The following NEMP2 variants were observed in gnomAD, a reference collection of about 807,000 sequenced individuals.
NEMP2 encodes the protein UPF0571 transmembrane protein.
In NEMP2, 53 loss-of-function variants were observed where a neutral mutation model predicts 54.2. The observed-to-expected ratio is 0.98, with a 90% CI of 0.78 to 1.23. The LOEUF (loss-of-function observed/expected upper bound fraction) is 1.23, where lower values mean the gene tolerates loss of function less well. Among genes scored for constraint, NEMP2 ranks in the 50% most tolerant of loss-of-function variants. The probability of loss-of-function intolerance (pLI) is 0.00; values close to 1 mark genes in which losing one functional copy is unlikely to be tolerated. For missense variants in NEMP2, 455 were observed against 511.3 expected (o/e 0.89, Z 1.06); for synonymous variants, 197 against 190.3 (o/e 1.04, Z -0.29).
the NEMP2 span, among the ~76,000 whole-genome samples, chr2:190,645,389 C>T: frequency 1.1e-4 from 16 of 152,086 alleles, no homozygotes; most frequent in African/African-American, 3.1e-4. Context: ...ATATGAATTA[C>T]TTTAGGAACA....
downstream of NEMP2, chr2:190,499,752 A>C (rs1559147977): frequency 7.3e-7 from 1 of 1,373,696 alleles, no homozygotes. This position sits in a 1 kb window ranked among gnomAD's most constrained non-coding sequence, Gnocchi z 6.0. Flanking sequence ...AAGTACTAAC[A>C]GACATTTTGG....
chr2:190,491,874 A>G, the NEMP2 span, among the ~76,000 whole-genome samples: 4 of 152,232 alleles, frequency 2.6e-5, no homozygotes, highest in African/African-American at 4.8e-5. The surrounding 1 kb of genome is among the most constrained non-coding windows in gnomAD (Gnocchi z 4.2). Flanking sequence ...GAGGCACTAG[A>G]GAAAGGTGAA....
At chr2:190,546,623 AATT>A in the NEMP2 span, among the ~76,000 whole-genome samples, 2 of 152,050 alleles carry the variant, frequency 1.3e-5, no homozygotes, top group African/African-American at 2.4e-5. This position sits in a 1 kb window ranked among gnomAD's most constrained non-coding sequence, Gnocchi z 5.1. Flanking sequence ...GAAAATGAAT[AATT>A]ATTATTATTT....
chr2:190,626,169 G>T, the NEMP2 span: 1 of 152,016 alleles, frequency 6.6e-6, no homozygotes, highest in Non-Finnish European at 1.5e-5. The surrounding 1 kb of genome is among the most constrained non-coding windows in gnomAD (Gnocchi z 4.5). Flanking sequence ...TTATTCATGA[G>T]GACTCTGTCG....
chr2:190,477,254 A>G, the NEMP2 span: 4 of 983,618 alleles, frequency 4.1e-6, no homozygotes, highest in Non-Finnish European at 4.8e-6. Flanking sequence ...GAATGATTCA[A>G]TAACAAGGTA....
the NEMP2 span, among the ~76,000 whole-genome samples, chr2:190,466,865 C>A: frequency 1.3e-5 from 2 of 152,144 alleles, no homozygotes; most frequent in African/African-American, 4.8e-5. Flanking sequence ...CAATCTGAGA[C>A]CTAAGGGTCC....
At chr2:190,441,606 C>T in the NEMP2 span, among the ~76,000 whole-genome samples, 80 of 152,208 alleles carry the variant, frequency 5.3e-4, no homozygotes, top group Non-Finnish European at 7.8e-4. Flanking sequence ...TACTTATGTA[C>T]ATGTGCTGGT....
the NEMP2 span, among the ~76,000 whole-genome samples, chr2:190,600,903 C>T: frequency 2.0e-5 from 3 of 152,088 alleles, no homozygotes; most frequent in Non-Finnish European, 4.4e-5. This position sits in a 1 kb window ranked among gnomAD's most constrained non-coding sequence, Gnocchi z 4.9. Context: ...TGGTGTGTTC[C>T]CCAGCCCTGG....
the NEMP2 span, among the ~76,000 whole-genome samples, chr2:190,565,156 C>G: frequency 7.1e-6 from 1 of 141,230 alleles, no homozygotes; most frequent in South Asian, 2.4e-4. Flanking sequence ...GGAGGAAATA[C>G]GAATTTTTTT....
chr2:190,545,968 C>T, the NEMP2 span, among the ~76,000 whole-genome samples: 1 of 152,202 alleles, frequency 6.6e-6, no homozygotes, highest in East Asian at 1.9e-4. Flanking sequence ...TCAAAGAAAA[C>T]GCAACCCAGT....
chr2:190,592,894 A>T, the NEMP2 span, among the ~76,000 whole-genome samples: 1 of 152,168 alleles, frequency 6.6e-6, no homozygotes, highest in Non-Finnish European at 1.5e-5. This position sits in a 1 kb window ranked among gnomAD's most constrained non-coding sequence, Gnocchi z 4.4. Flanking sequence ...AAAATGTAAA[A>T]TTTCTTAAAA....
chr2:190,464,792 C>T, the NEMP2 span: 1 of 422,288 alleles, frequency 2.4e-6, no homozygotes, highest in Non-Finnish European at 3.2e-6. Flanking sequence ...CCCTTGAAGA[C>T]CAAGTAGATT....
chr2:190,645,893 T>C, the NEMP2 span, among the ~76,000 whole-genome samples: 1 of 151,804 alleles, frequency 6.6e-6, no homozygotes, highest in Non-Finnish European at 1.5e-5. Context: ...ACATTTTCCT[T>C]TGTCTTTTAG....
chr2:190,623,441 T>C, the NEMP2 span, among the ~76,000 whole-genome samples: 1 of 151,952 alleles, frequency 6.6e-6, no homozygotes, highest in Non-Finnish European at 1.5e-5. Flanking sequence ...TAGTAGCCAA[T>C]AGAAAGGCTA....
At chr2:190,436,502 G>A in the NEMP2 span, 1 of 1,614,180 alleles carries the variant, frequency 6.2e-7, no homozygotes, top group Non-Finnish European at 8.5e-7. The surrounding 1 kb of genome is among the most constrained non-coding windows in gnomAD (Gnocchi z 5.3). Flanking sequence ...GCTACCTTGA[G>A]ATGTGTACCA....
At chr2:190,548,675 C>A in the NEMP2 span, among the ~76,000 whole-genome samples, 2 of 152,180 alleles carry the variant, frequency 1.3e-5, no homozygotes, top group African/African-American at 4.8e-5. Context: ...TGATAGCGAT[C>A]TTTTATGTTA....
chr2:190,445,673 A>T, the NEMP2 span, among the ~76,000 whole-genome samples: 6 of 152,204 alleles, frequency 3.9e-5, no homozygotes, highest in African/African-American at 1.4e-4. Context: ...TGGCTTTAGA[A>T]CATAAGGTCT....
chr2:190,628,255 G>A, the NEMP2 span: 15 of 152,356 alleles, frequency 9.8e-5, no homozygotes, highest in East Asian at 7.7e-4. The surrounding 1 kb of genome is among the most constrained non-coding windows in gnomAD (Gnocchi z 4.1). Flanking sequence ...TGGGACCAGC[G>A]AAATGTCTGC....
chr2:190,481,901 T>G, the NEMP2 span, among the ~76,000 whole-genome samples: 4 of 152,212 alleles, frequency 2.6e-5, no homozygotes, highest in African/African-American at 9.6e-5. Flanking sequence ...GTATTGCTGT[T>G]AGTAGCCCCA....
Sources: allele counts gnomAD v4.1 joint callset (sites outside exome capture counted in the v4.1 genomes callset), GRCh38; gene constraint gnomAD v4.1.1; non-coding constraint Gnocchi (gnomAD v3.1); transcripts MANE v1.5; gene names NCBI Gene and HGNC (gene_info 2026-07-23, HGNC 2026-07-21).